Variants in EXOC4 observed in about 807,000 individuals in gnomAD.
The protein encoded by EXOC4 is exocyst complex component 4.
EXOC4 carries 71 observed loss-of-function variants against 107.2 expected under a neutral mutation model. The ratio of observed to expected loss-of-function variants is 0.66; its 90% CI spans 0.55 to 0.81. The LOEUF (loss-of-function observed/expected upper bound fraction) is 0.81, where lower values mean the gene tolerates loss of function less well. Among genes scored for constraint, EXOC4 ranks in the 30% least tolerant of loss-of-function variants. EXOC4 has a pLI of 0.00. For missense variants in EXOC4, 1,108 were observed against 1,189.6 expected (o/e 0.93, Z 1.01); for synonymous variants, 456 against 441.2 (o/e 1.03, Z -0.42).
chr7:134,048,676 A>C (rs77065899), intron 17 of EXOC4, among the ~76,000 whole-genome samples: 4,818 of 152,110 alleles, frequency 0.032, 257 homozygotes, highest in African/African-American at 0.11. Flanking sequence ...CATCTCAGTA[A>C]AGTTGTGTGT....
intron 16 of EXOC4, 41 bp from the exon 17 acceptor site, chr7:134,007,635 G>A: frequency 1.3e-6 from 2 of 1,529,406 alleles, no homozygotes; most frequent in Non-Finnish European, 1.8e-6. Flanking sequence ...CCTCTAATCT[G>A]TCATCCGTTT....
intron 10 of EXOC4, among the ~76,000 whole-genome samples, chr7:133,671,994 C>A (rs1484106969): frequency 6.6e-6 from 1 of 152,150 alleles, no homozygotes; most frequent in Non-Finnish European, 1.5e-5. Flanking sequence ...GGGAATTAGA[C>A]TAGCACTGTC....
chr7:133,984,276 T>G (rs1794064007), intron 14 of EXOC4, among the ~76,000 whole-genome samples: 1 of 152,228 alleles, frequency 6.6e-6, no homozygotes, highest in African/African-American at 2.4e-5. Flanking sequence ...TGTGGTAGCC[T>G]AAGGGAACGA....
At chr7:133,602,598 G>A (rs1801834818) in intron 9 of EXOC4, among the ~76,000 whole-genome samples, 1 of 152,204 alleles carries the variant, frequency 6.6e-6, no homozygotes, top group Admixed American at 6.5e-5. Context: ...GAATGGGAAT[G>A]TTTCCTAAAG....
chr7:133,779,792 A>G (rs761712409), intron 10 of EXOC4, among the ~76,000 whole-genome samples: 2 of 152,038 alleles, frequency 1.3e-5, no homozygotes, highest in African/African-American at 4.8e-5. Context: ...TGTAAAATGG[A>G]CCAATCAGCT....
chr7:134,025,388 G>A (rs1363016593), intron 17 of EXOC4, among the ~76,000 whole-genome samples: 1 of 150,156 alleles, frequency 6.7e-6, no homozygotes, highest in East Asian at 2.0e-4. Context: ...TCTGGGAAAA[G>A]TTAGTTATTG....
At chr7:133,546,253 CT>C (rs368101148) in intron 9 of EXOC4, among the ~76,000 whole-genome samples, 60 of 119,304 alleles carry the variant, frequency 5.0e-4, no homozygotes, top group African/African-American at 5.7e-4. Context: ...AGCTGGAAAA[CT>C]TTTTTTTTTT....
Position 133,564,703 on chromosome 7 carries a change from T to G in EXOC4, c.1418-65342T>G, listed in dbSNP as rs143161752. Among the ~76,000 whole-genome samples the G allele has an allele frequency of 1.4e-3, 209 of 152,278 alleles. 4 individuals are homozygous for G. The East Asian group carries it at 0.026, about 19-fold the overall frequency. On this transcript the variant is annotated intron_variant, in intron 9 of 17. Transcript: ENST00000253861. ...TTTTGATGACCAGTAGGAGGCAGACTAAGATTTTTCACTGTTCCCTTAATA... is the reference window on the plus strand; with the variant it reads ...TTTTGATGACCAGTAGGAGGCAGACGAAGATTTTTCACTGTTCCCTTAATA...
chr7:133,501,474 A>G (rs551859286), intron 9 of EXOC4, among the ~76,000 whole-genome samples: 1 of 152,314 alleles, frequency 6.6e-6, no homozygotes, highest in East Asian at 1.9e-4. Flanking sequence ...GAATCTTGAC[A>G]TTTTAGATAA....
chr7:133,819,555 G>T (rs1797459975), intron 11 of EXOC4, among the ~76,000 whole-genome samples: 1 of 152,114 alleles, frequency 6.6e-6, no homozygotes, highest in Non-Finnish European at 1.5e-5. Context: ...AGTTTCGAGA[G>T]TCATAAGTAC....
chr7:133,311,628 G>A (rs1372453830), intron 4 of EXOC4, among the ~76,000 whole-genome samples: 1 of 152,070 alleles, frequency 6.6e-6, no homozygotes, highest in Non-Finnish European at 1.5e-5. Context: ...AAGCATATCA[G>A]AAGACATAAA....
chr7:134,099,622 C>CG, the EXOC4 span, among the ~76,000 whole-genome samples: 11 of 151,276 alleles, frequency 7.3e-5, no homozygotes, highest in East Asian at 1.9e-4. Flanking sequence ...CTCCGCCCCC[C>CG]GGGGTTCATG....
At chr7:133,576,302 A>G (rs1238684560) in intron 9 of EXOC4, among the ~76,000 whole-genome samples, 2 of 152,206 alleles carry the variant, frequency 1.3e-5, no homozygotes, top group Admixed American at 6.5e-5. Flanking sequence ...ATGGCCTAGA[A>G]TGATAATATT....
chr7:133,450,758 A>T (rs926804942), intron 7 of EXOC4, among the ~76,000 whole-genome samples: 1 of 152,338 alleles, frequency 6.6e-6, no homozygotes, highest in African/African-American at 2.4e-5. Flanking sequence ...GAAACACATA[A>T]AATAATAAAT....
intron 5 of EXOC4, among the ~76,000 whole-genome samples, chr7:133,326,449 C>T (rs868099352): frequency 5.3e-5 from 8 of 152,288 alleles, no homozygotes; most frequent in Middle Eastern, 3.4e-3. Context: ...AGCTGCAGGT[C>T]TATTGGAGTT....
At chr7:133,949,891 A>G (rs1800650532) in intron 14 of EXOC4, among the ~76,000 whole-genome samples, 1 of 149,164 alleles carries the variant, frequency 6.7e-6, no homozygotes, top group Non-Finnish European at 1.5e-5. Flanking sequence ...ATTTTTTTTT[A>G]ACAATCACCA....
At chr7:133,690,179 T>C (rs535294783) in intron 10 of EXOC4, among the ~76,000 whole-genome samples, 1 of 152,344 alleles carries the variant, frequency 6.6e-6, no homozygotes, top group Non-Finnish European at 1.5e-5. Flanking sequence ...TCCATTTTGG[T>C]TTGGTCTCTT....
intron 9 of EXOC4, among the ~76,000 whole-genome samples, chr7:133,590,596 G>T (rs1215135772): frequency 6.6e-6 from 1 of 152,156 alleles, no homozygotes; most frequent in African/African-American, 2.4e-5. Flanking sequence ...AAGAGAAGAA[G>T]CAACCATATG....
At chr7:133,410,306 A>G (rs1459214394) in intron 7 of EXOC4, among the ~76,000 whole-genome samples, 3 of 152,210 alleles carry the variant, frequency 2.0e-5, no homozygotes, top group African/African-American at 7.2e-5. Context: ...TAGGGAAAAA[A>G]GCATTACATT....
Sources: gnomAD v4.1 joint callset for allele counts (sites outside exome capture counted in the v4.1 genomes callset) on GRCh38, gnomAD v4.1.1 for gene constraint, MANE v1.5 for transcripts, NCBI Gene and HGNC (gene_info 2026-07-23, HGNC 2026-07-21) for gene names.